The following SCFD2 variants were observed in gnomAD, a reference collection of about 807,000 sequenced individuals.
The protein encoded by SCFD2 is sec1 family domain containing 2, also known as sec1 family domain-containing protein 2.
A neutral mutation model predicts 58.9 loss-of-function variants in SCFD2; 54 were observed. That is an observed-to-expected ratio of 0.92 (90% confidence interval 0.74 to 1.15). The LOEUF is 1.15. Ranked by LOEUF, SCFD2 falls within the 50% of genes most tolerant of loss-of-function variation. SCFD2 has a pLI of 0.00. For synonymous variants in SCFD2, 321 were observed against 335.9 expected (o/e 0.96, Z 0.49); for missense variants, 805 against 836.6 (o/e 0.96, Z 0.47).
At chr4:53,325,238 A>AG (rs1454717035) in intron 2 of SCFD2, among the ~76,000 whole-genome samples, 5 of 151,944 alleles carry the variant, frequency 3.3e-5, no homozygotes, top group African/African-American at 4.8e-5. Context: ...AAAAAAAAAA[A>AG]AGAGAAGACT....
chr4:53,345,118 G>C (rs1310651734), intron 2 of SCFD2, among the ~76,000 whole-genome samples: 1 of 152,248 alleles, frequency 6.6e-6, no homozygotes, highest in East Asian at 1.9e-4. Flanking sequence ...TTAAACTAAA[G>C]AGCTTCTGCA....
At chr4:52,951,034 AT>A (rs998485720) in intron 5 of SCFD2, 1 of 152,188 alleles carries the variant, frequency 6.6e-6, no homozygotes, top group African/African-American at 2.4e-5. Flanking sequence ...TTAAAGTTGC[AT>A]TTGTTATACA....
At chr4:53,166,212 G>A (rs907660665) in intron 4 of SCFD2, among the ~76,000 whole-genome samples, 7 of 152,068 alleles carry the variant, frequency 4.6e-5, no homozygotes, top group African/African-American at 7.2e-5. Context: ...TTCAGATATC[G>A]TGAATAATGC....
intron 5 of SCFD2, among the ~76,000 whole-genome samples, chr4:52,935,634 C>T (rs994869654): frequency 2.6e-5 from 4 of 152,148 alleles, no homozygotes; most frequent in Non-Finnish European, 4.4e-5. Context: ...TGTGTCTCAC[C>T]GCTGTCTGAT....
intron 6 of SCFD2, among the ~76,000 whole-genome samples, chr4:52,909,984 T>A (rs1243283931): frequency 2.0e-5 from 3 of 152,186 alleles, no homozygotes; most frequent in Non-Finnish European, 1.5e-5. Context: ...TAAACTTCAA[T>A]CTCTTTAAAG....
At chr4:53,008,529 C>T (rs981239591) in intron 5 of SCFD2, among the ~76,000 whole-genome samples, 2 of 152,128 alleles carry the variant, frequency 1.3e-5, no homozygotes, top group African/African-American at 4.8e-5. Context: ...CAATAAATAA[C>T]AACAACAACA....
intron 5 of SCFD2, among the ~76,000 whole-genome samples, chr4:53,096,166 C>G (rs144765856): frequency 6.6e-6 from 1 of 152,096 alleles, no homozygotes; most frequent in African/African-American, 2.4e-5. Flanking sequence ...TGAACAGTGC[C>G]TCAAAAAACA....
chr4:53,283,280 T>A (rs1471135081), intron 3 of SCFD2, among the ~76,000 whole-genome samples: 1 of 152,232 alleles, frequency 6.6e-6, no homozygotes, highest in Non-Finnish European at 1.5e-5. Context: ...CTGGCTTCTT[T>A]TGTTCCAAAA....
chr4:53,252,369 A>T (rs1010149781), intron 4 of SCFD2, among the ~76,000 whole-genome samples: 2 of 151,006 alleles, frequency 1.3e-5, no homozygotes, highest in Admixed American at 1.3e-4. Flanking sequence ...TTCTTCACAG[A>T]ATTGGAAAAA....
intron 5 of SCFD2, among the ~76,000 whole-genome samples, chr4:53,125,327 ATCT>A (rs1211810104): frequency 1.3e-5 from 2 of 152,220 alleles, no homozygotes; most frequent in East Asian, 1.9e-4. Context: ...TACAGAAGGG[ATCT>A]TCTTCTTCCA....
intron 7 of SCFD2, among the ~76,000 whole-genome samples, chr4:52,899,371 T>C (rs191758495): frequency 0.014 from 2,087 of 152,174 alleles, 56 homozygotes; most frequent in African/African-American, 0.048. Flanking sequence ...TCAGCATTTG[T>C]TTGTCTGTAA....
At chr4:53,205,658 G>A (rs1470609558) in intron 4 of SCFD2, among the ~76,000 whole-genome samples, 3 of 151,976 alleles carry the variant, frequency 2.0e-5, no homozygotes, top group African/African-American at 4.8e-5. Flanking sequence ...AGGAGATCGC[G>A]ACCATCCTGG....
chr4:53,096,988 T>C (rs1283240572), intron 5 of SCFD2, among the ~76,000 whole-genome samples: 3 of 152,238 alleles, frequency 2.0e-5, no homozygotes, highest in Non-Finnish European at 4.4e-5. Flanking sequence ...TCCTCATTTC[T>C]TGTTTTTGTC....
At chr4:53,357,849 C>A (rs1483015290) in intron 1 of SCFD2, among the ~76,000 whole-genome samples, 3 of 152,174 alleles carry the variant, frequency 2.0e-5, no homozygotes, top group Non-Finnish European at 4.4e-5. Context: ...CTGTGCAGGA[C>A]AACAGTTCTC....
In SCFD2 at chr4:53,253,096, C is replaced by G. The variant is rs564170948; in HGVS notation, c.1311+20730G>C. On this transcript the variant is annotated intron_variant, in intron 4 of 8. Coordinates refer to ENST00000401642, the MANE Select transcript of SCFD2 (RefSeq NM_152540.4). ...GGAAAAAGGATATGAACAGACACTTCTCAAAAGAAGACATTTATGCAGCCA... is the reference window on the plus strand; with the variant it reads ...GGAAAAAGGATATGAACAGACACTTGTCAAAAGAAGACATTTATGCAGCCA... 4.8e-4 allele frequency among the ~76,000 whole-genome samples: 73 copies of G among 152,302 alleles called. 2 individuals carry two copies. The East Asian group carries it at 0.012, about 24-fold the overall frequency.
At chr4:52,970,526 G>A (rs570460552) in intron 5 of SCFD2, among the ~76,000 whole-genome samples, 2 of 152,188 alleles carry the variant, frequency 1.3e-5, no homozygotes, top group African/African-American at 2.4e-5. Flanking sequence ...CAGGAAGCTG[G>A]AACTGGGTAA....
intron 5 of SCFD2, among the ~76,000 whole-genome samples, chr4:52,947,885 C>T (rs28558392): frequency 0.036 from 4,788 of 132,232 alleles, 235 homozygotes; most frequent in African/African-American, 0.12. Flanking sequence ...AACATAAAAC[C>T]AACAAAGGAT....
chr4:53,263,629 C>T (rs1265162769), intron 4 of SCFD2, among the ~76,000 whole-genome samples: 9 of 152,174 alleles, frequency 5.9e-5, no homozygotes, highest in Non-Finnish European at 4.4e-5. Context: ...CCATGGATAC[C>T]AGCACCTGCT....
chr4:53,227,327 T>C (rs937567493), intron 4 of SCFD2, among the ~76,000 whole-genome samples: 2 of 152,222 alleles, frequency 1.3e-5, no homozygotes, highest in Non-Finnish European at 2.9e-5. Flanking sequence ...ATTTCCTTGA[T>C]GATTTTTCCT....
Sources: gnomAD v4.1 joint callset for allele counts (sites outside exome capture counted in the v4.1 genomes callset) on GRCh38, gnomAD v4.1.1 for gene constraint, MANE v1.5 for transcripts, NCBI Gene and HGNC (gene_info 2026-07-23, HGNC 2026-07-21) for gene names.